The following COL13A1 variants were observed in gnomAD, a reference collection of about 807,000 sequenced individuals.
COL13A1 encodes the protein collagen alpha-1(XIII) chain.
A neutral mutation model predicts 130.9 loss-of-function variants in COL13A1; 89 were observed. The ratio of observed to expected loss-of-function variants is 0.68; its 90% CI spans 0.57 to 0.81. The LOEUF (loss-of-function observed/expected upper bound fraction) is 0.81, where lower values mean the gene tolerates loss of function less well. COL13A1 is among the 30% of genes least tolerant of loss of function. COL13A1 has a pLI of 0.00. For synonymous variants in COL13A1, 402 were observed against 341.6 expected (o/e 1.18, Z -1.95); for missense variants, 879 against 934.6 (o/e 0.94, Z 0.78).
intron 38 of COL13A1, among the ~76,000 whole-genome samples, chr10:69,948,455 G>T (rs1432481057): frequency 1.3e-5 from 2 of 152,164 alleles, no homozygotes; most frequent in African/African-American, 2.4e-5. Context: ...ACAAGAGGGA[G>T]CAGCAGCGCC....
intron 30 of COL13A1, chr10:69,931,156 G>T (rs1426514007): frequency 4.4e-6 from 2 of 456,070 alleles, no homozygotes; most frequent in Non-Finnish European, 8.8e-6. Context: ...TTGTCAGTCT[G>T]TAGGGTCTAG....
chr10:69,945,794 C>T (rs534316870), intron 37 of COL13A1, 70 bp downstream of exon 37: 89 of 1,552,460 alleles, frequency 5.7e-5, no homozygotes, highest in Middle Eastern at 1.8e-4. Context: ...CACGGCCGGC[C>T]GGGCATGGTG....
chr10:69,840,165 G>T (rs1157300220), intron 2 of COL13A1, among the ~76,000 whole-genome samples: 2 of 152,184 alleles, frequency 1.3e-5, no homozygotes, highest in African/African-American at 4.8e-5. Flanking sequence ...AGAGCTGAAG[G>T]CTTCTTGACT....
At position 69,885,021 on chromosome 10, in the gene COL13A1, T is replaced by C. The variant is rs144338479; in HGVS notation, c.514-2435T>C. ...GACAGTTGTTTGGTTTTTTTATTAT[T>C]AAAGCCAATTTATTCATTATATTGG... On this transcript the variant is annotated intron_variant, in intron 7 of 40. Transcript: ENST00000645393. 7.1e-3 allele frequency among the ~76,000 whole-genome samples: 1,079 copies of C among 152,338 alleles called. 7 individuals are homozygous for C. Among genetic ancestry groups the C allele is most frequent in the African/African-American group, 0.024 (1,007 of 41,568 alleles).
At position 69,911,950 on chromosome 10, in the gene COL13A1, G is replaced by A. The variant is rs531961943; in HGVS notation, c.922-5339G>A. Among the ~76,000 whole-genome samples, 18 of 152,336 alleles carry A rather than the reference G, an allele frequency of 1.2e-4. No individual in the cohort carries two copies. In the South Asian group the frequency reaches 2.3e-3, roughly 19 times the overall value. ...CCTGTAGGACCTGAGTAGCCCATGC[G>A]GTTCCCACTCCCACTGAGTGCTCCG... On this transcript the variant is annotated intron_variant, in intron 17 of 40. Coordinates refer to ENST00000645393, the MANE Select transcript of COL13A1 (RefSeq NM_001368882.1).
intron 10 of COL13A1, among the ~76,000 whole-genome samples, chr10:69,890,462 T>A (rs1403167718): frequency 1.3e-5 from 2 of 152,252 alleles, no homozygotes; most frequent in Admixed American, 6.5e-5. Flanking sequence ...CACAGGTTGG[T>A]GGGCCAGGAA....
At chr10:69,811,193 C>G (rs1269422600) in intron 1 of COL13A1, among the ~76,000 whole-genome samples, 1 of 152,202 alleles carries the variant, frequency 6.6e-6, no homozygotes. Flanking sequence ...TGCCCACACG[C>G]TCCTTCCTCC....
intron 2 of COL13A1, among the ~76,000 whole-genome samples, chr10:69,856,151 G>A (rs574904892): frequency 1.3e-5 from 2 of 152,204 alleles, no homozygotes; most frequent in Non-Finnish European, 2.9e-5. Flanking sequence ...GTTTTTAAGT[G>A]TTCTTAAATT....
chr10:69,901,846 A>C (rs1473263696), intron 14 of COL13A1, among the ~76,000 whole-genome samples: 1 of 152,196 alleles, frequency 6.6e-6, no homozygotes, highest in Non-Finnish European at 1.5e-5. Context: ...TCCCGTGGAC[A>C]GGCATGGTGG....
chr10:69,887,837 C>T (rs1270312295), intron 8 of COL13A1, among the ~76,000 whole-genome samples: 1 of 152,160 alleles, frequency 6.6e-6, no homozygotes, highest in East Asian at 1.9e-4. Flanking sequence ...TGTGCCTGAG[C>T]TTTGAGAGGA....
chr10:69,922,081 T>C, intron 22 of COL13A1, 146 bp downstream of exon 22: 1 of 1,126,244 alleles, frequency 8.9e-7, no homozygotes, highest in South Asian at 1.7e-5. Flanking sequence ...AGATTCTGTT[T>C]GTCGAGGGAG....
intron 16 of COL13A1, 146 bp downstream of exon 16, chr10:69,905,105 C>A: frequency 2.2e-6 from 2 of 910,862 alleles, no homozygotes; most frequent in Non-Finnish European, 3.3e-6. Flanking sequence ...TTACAAAACA[C>A]CACCCTTCTC....
intron 7 of COL13A1, among the ~76,000 whole-genome samples, chr10:69,881,923 G>A (rs2060180111): frequency 1.3e-5 from 2 of 152,222 alleles, no homozygotes; most frequent in Non-Finnish European, 2.9e-5. Context: ...TGATCATTCA[G>A]CCAGACCATC....
At chr10:69,810,515 TC>T (rs1320198963) in intron 1 of COL13A1, among the ~76,000 whole-genome samples, 1 of 152,100 alleles carries the variant, frequency 6.6e-6, no homozygotes, top group Admixed American at 6.5e-5. Flanking sequence ...AACAAAAGTC[TC>T]CGTGTGCACT....
chr10:69,874,980 T>C, intron 4 of COL13A1, 148 bp from the exon 5 acceptor site: 1 of 850,176 alleles, frequency 1.2e-6, no homozygotes, highest in Non-Finnish European at 1.9e-6. Context: ...TGTACCTACA[T>C]GATGCTTGGG....
At chr10:69,850,140 C>G (rs1854329965) in intron 2 of COL13A1, among the ~76,000 whole-genome samples, 1 of 152,012 alleles carries the variant, frequency 6.6e-6, no homozygotes, top group South Asian at 2.1e-4. Flanking sequence ...ACAGCAAAGG[C>G]AGACGAGATC....
At chr10:69,932,893 T>C (rs985440070) in intron 31 of COL13A1, among the ~76,000 whole-genome samples, 1 of 151,832 alleles carries the variant, frequency 6.6e-6, no homozygotes, top group East Asian at 1.9e-4. Flanking sequence ...TCCTAGCAAT[T>C]TGGGAGGCTG....
chr10:69,874,687 C>T (rs761374824), intron 4 of COL13A1, among the ~76,000 whole-genome samples: 3 of 152,268 alleles, frequency 2.0e-5, no homozygotes, highest in South Asian at 2.1e-4. Flanking sequence ...AGAGACAGAC[C>T]GAGGAAAGTG....
chr10:69,868,023 G>A (rs2058696063), intron 3 of COL13A1, among the ~76,000 whole-genome samples: 1 of 151,474 alleles, frequency 6.6e-6, no homozygotes, highest in African/African-American at 2.4e-5. Context: ...GACAATGGCT[G>A]CCCCCAGGGC....
Sources: gnomAD v4.1 joint callset for allele counts (sites outside exome capture counted in the v4.1 genomes callset) on GRCh38, gnomAD v4.1.1 for gene constraint, MANE v1.5 for transcripts, NCBI Gene and HGNC (gene_info 2026-07-23, HGNC 2026-07-21) for gene names.